Variants in C5 observed in about 807,000 individuals in gnomAD.
The protein encoded by C5 is C3 and PZP-like alpha-2-macroglobulin domain-containing protein 4.
Under a neutral mutation model 218.8 loss-of-function variants are expected in C5, and 140 were observed. That is an observed-to-expected ratio of 0.64 (90% CI 0.56 to 0.74). The LOEUF (loss-of-function observed/expected upper bound fraction) is 0.74. C5 is among the 30% of genes least tolerant of loss of function. The pLI is 0.00. For missense variants in C5, 1,700 were observed against 1,969.6 expected (o/e 0.86, Z 2.59); for synonymous variants, 614 against 682.3 (o/e 0.90, Z 1.56).
chr9:120,958,321 G>C (rs1454459420), intron 38 of C5, among the ~76,000 whole-genome samples: 1 of 152,136 alleles, frequency 6.6e-6, no homozygotes, highest in Non-Finnish European at 1.5e-5. Flanking sequence ...TTTCTATTCT[G>C]TTATTCTGGC....
At chr9:120,979,359 T>A (rs1267521644) in intron 28 of C5, among the ~76,000 whole-genome samples, 4 of 152,212 alleles carry the variant, frequency 2.6e-5, no homozygotes, top group African/African-American at 9.6e-5. Context: ...TCCTCTCACC[T>A]TATTTTCTTT....
At chr9:120,974,539 C>T in intron 30 of C5, among the ~76,000 whole-genome samples, 1 of 152,196 alleles carries the variant, frequency 6.6e-6, no homozygotes, top group Non-Finnish European at 1.5e-5. Flanking sequence ...ATGTACCTAT[C>T]AAGACTCTTA....
intron 9 of C5, among the ~76,000 whole-genome samples, chr9:121,024,103 T>A (rs554511542): frequency 3.4e-4 from 50 of 145,786 alleles, no homozygotes; most frequent in South Asian, 1.4e-3. Context: ...GCCTGTAATC[T>A]CAGCTACTCG....
intron 7 of C5, among the ~76,000 whole-genome samples, chr9:121,028,386 C>T (rs1176269303): frequency 6.6e-6 from 1 of 152,212 alleles, no homozygotes; most frequent in Non-Finnish European, 1.5e-5. Flanking sequence ...TATAAAGACA[C>T]ATGCACACGT....
rs1336914746 is a variant in C5 at position 121,030,436 on chromosome 9, T to C, written c.719A>G (p.Tyr240Cys). The C allele has an allele frequency of 6.5e-7, 1 of 1,541,892 alleles. No individual in the cohort carries two copies. Among genetic ancestry groups the C allele is most frequent in the Non-Finnish European group, 8.8e-7 (1 of 1,139,918 alleles). ...AATTTCAAAATTCTTAAAGTTCTTG[T>C]AACCAATGAAATTATATTCTGGCTC... ...SIEPEYNFIGYKNFKNFEITI... is the reference protein window; with the variant it reads ...SIEPEYNFIGCKNFKNFEITI... The change falls in exon 7 of 41, where the codon TAC becomes TGC. Residue 240 changes from tyrosine (Y) to cysteine (C), a missense_variant. Physicochemically the swap from Tyr to Cys is radical, Grantham distance 194. Transcript: ENST00000223642.
intron 25 of C5, among the ~76,000 whole-genome samples, chr9:120,987,636 CAAAAAAA>C (rs36095132): frequency 1.8e-5 from 2 of 110,992 alleles, no homozygotes; most frequent in African/African-American, 7.4e-5. Context: ...GACTCCGTCT[CAAAAAAA>C]AAAAAAAGAA....
chr9:120,957,125 T>C, intron 39 of C5, 160 bp downstream of exon 39: 1 of 593,426 alleles, frequency 1.7e-6, no homozygotes. Flanking sequence ...TATACGAACA[T>C]CTTTAAAAAA....
At chr9:121,071,293 C>A in the C5 span, among the ~76,000 whole-genome samples, 12 of 151,872 alleles carry the variant, frequency 7.9e-5, no homozygotes, top group Non-Finnish European at 1.0e-4. Context: ...GCACTCCAGC[C>A]TGGGCAACAG....
the C5 span, among the ~76,000 whole-genome samples, chr9:121,057,890 C>T: frequency 6.6e-6 from 1 of 152,120 alleles, no homozygotes; most frequent in African/African-American, 2.4e-5. Context: ...TCCGTGTAAC[C>T]TACTTCTTTA....
chr9:121,015,670 A>G (rs2131757388), intron 15 of C5, among the ~76,000 whole-genome samples: 1 of 152,312 alleles, frequency 6.6e-6, no homozygotes, highest in South Asian at 2.1e-4. Context: ...CAATTTTAAA[A>G]CCATAGAAAG....
At position 120,960,437 on chromosome 9, in the gene C5, A is replaced by G. The variant is rs1366584295; in HGVS notation, c.4589-100T>C. 5 of 766,442 alleles carry G rather than the reference A, an allele frequency of 6.5e-6. No individual in the cohort carries two copies. The East Asian group carries it at 7.7e-5, about 12-fold the overall frequency. The allele number at this position is 766,442 out of a possible 1,614,324, so 47.5% of individuals were successfully genotyped here. ...TTCTCATGAGCCCAGAGACAACCCA[A>G]TATAACCTTACAAATGTCAGATTTC... On this transcript the variant is annotated intron_variant, in intron 37 of 40. Transcript: ENST00000223642.
intron 2 of C5, among the ~76,000 whole-genome samples, chr9:121,044,157 C>G (rs1020026329): frequency 8.5e-5 from 13 of 152,194 alleles, no homozygotes; most frequent in African/African-American, 3.1e-4. Context: ...CCTTTAAGTT[C>G]TTTCTCCCCT....
chr9:121,027,480 T>C (rs2047434584), intron 7 of C5, among the ~76,000 whole-genome samples: 1 of 152,180 alleles, frequency 6.6e-6, no homozygotes, highest in Non-Finnish European at 1.5e-5. Flanking sequence ...AGCATGGTAC[T>C]GGTACCAAAA....
intron 9 of C5, among the ~76,000 whole-genome samples, chr9:121,024,697 C>T (rs185033697): frequency 2.0e-5 from 3 of 152,254 alleles, no homozygotes; most frequent in African/African-American, 7.2e-5. Flanking sequence ...ACTGTTCTTG[C>T]TTGCTCAACA....
At chr9:121,011,993 G>C (rs2131749455) in intron 17 of C5, among the ~76,000 whole-genome samples, 1 of 152,242 alleles carries the variant, frequency 6.6e-6, no homozygotes, top group African/African-American at 2.4e-5. Flanking sequence ...AGGGGGATGT[G>C]GGGATGGTTT....
intron 27 of C5, among the ~76,000 whole-genome samples, chr9:120,981,277 T>C (rs1322240341): frequency 1.3e-5 from 2 of 152,218 alleles, no homozygotes; most frequent in Non-Finnish European, 2.9e-5. Flanking sequence ...TTTTGTTTTG[T>C]GCTTCCAGTT....
chr9:121,037,015 G>A (rs1268886793), intron 4 of C5, among the ~76,000 whole-genome samples: 1 of 151,968 alleles, frequency 6.6e-6, no homozygotes, highest in East Asian at 1.9e-4. Context: ...TTTGGGGTAT[G>A]TGACACAAAT....
At chr9:120,967,576 C>T (rs1457811566) in intron 33 of C5, among the ~76,000 whole-genome samples, 1 of 152,030 alleles carries the variant, frequency 6.6e-6, no homozygotes, top group Non-Finnish European at 1.5e-5. Flanking sequence ...AAATAGAACA[C>T]AATAGAAAGG....
chr9:120,966,367 G>C (rs1293031393), intron 33 of C5, among the ~76,000 whole-genome samples: 4 of 152,202 alleles, frequency 2.6e-5, no homozygotes, highest in African/African-American at 9.7e-5. Flanking sequence ...TGGATAATTA[G>C]AACTGGCAGA....
Sources: gnomAD v4.1 joint callset for allele counts (sites outside exome capture counted in the v4.1 genomes callset) on GRCh38, gnomAD v4.1.1 for gene constraint, MANE v1.5 for transcripts, NCBI Gene and HGNC (gene_info 2026-07-23, HGNC 2026-07-21) for gene names.